Variants in PDGFD observed in about 807,000 individuals in gnomAD.
PDGFD encodes the protein platelet derived growth factor D, also known as platelet-derived growth factor D.
Under a neutral mutation model 44.7 loss-of-function variants are expected in PDGFD, and 30 were observed. The observed-to-expected ratio is 0.67, with a 90% CI of 0.50 to 0.91. PDGFD has a LOEUF of 0.91. Among genes scored for constraint, PDGFD ranks in the 40% least tolerant of loss-of-function variants. PDGFD has a pLI of 0.00. For synonymous variants in PDGFD, 173 were observed against 168.4 expected, an observed-to-expected ratio of 1.03 and a Z score of -0.21; for missense variants, 445 against 457.8, an observed-to-expected ratio of 0.97 and a Z score of 0.25.
chr11:104,112,812 G>A lies in PDGFD; in HGVS notation c.124+50992C>T, dbSNP rs193007776. 5.4e-3 allele frequency among the ~76,000 whole-genome samples: 828 copies of A among 152,150 alleles called. 4 individuals carry two copies. The highest frequency in any genetic ancestry group is 0.019 in the African/African-American group (803 of 41,518). On this transcript the variant is annotated intron_variant, in intron 1 of 6. Transcript: ENST00000393158. Reference sequence around the variant, plus strand: ...CACATGGTCTTATTTATAAGTAGGAGCTAAATGATGAGAATACATGGACAC... The same window carrying A: ...CACATGGTCTTATTTATAAGTAGGAACTAAATGATGAGAATACATGGACAC...
At chr11:104,037,027 G>A (rs1000987835) in intron 1 of PDGFD, 2 of 1,614,112 alleles carry the variant, frequency 1.2e-6, no homozygotes, top group Non-Finnish European at 1.7e-6. Context: ...CCTCAAAGAT[G>A]GCGATATCGT....
chr11:104,049,647 A>G (rs1163501756), intron 1 of PDGFD, among the ~76,000 whole-genome samples: 1 of 152,072 alleles, frequency 6.6e-6, no homozygotes, highest in Non-Finnish European at 1.5e-5. Flanking sequence ...GAGGAGGAGG[A>G]GCCTACAAAG....
intron 5 of PDGFD, among the ~76,000 whole-genome samples, chr11:103,931,006 G>A (rs943148645): frequency 3.9e-5 from 6 of 152,012 alleles, no homozygotes; most frequent in African/African-American, 1.5e-4. Context: ...CCTCATCTAG[G>A]AGCTGAATGG....
chr11:103,961,730 C>T (rs1382421524), intron 3 of PDGFD, among the ~76,000 whole-genome samples: 2 of 152,220 alleles, frequency 1.3e-5, no homozygotes, highest in East Asian at 3.9e-4. Flanking sequence ...GTTCAAGGTA[C>T]TGGAGAAAAA....
intron 6 of PDGFD, among the ~76,000 whole-genome samples, chr11:103,916,656 C>T (rs2134302694): frequency 6.6e-6 from 1 of 152,232 alleles, no homozygotes; most frequent in Non-Finnish European, 1.5e-5. Flanking sequence ...TATTGCAGCA[C>T]TGATCACAAT....
intron 1 of PDGFD, among the ~76,000 whole-genome samples, chr11:104,024,191 A>C (rs567963186): frequency 7.2e-5 from 11 of 152,086 alleles, no homozygotes; most frequent in Non-Finnish European, 1.2e-4. Context: ...TCGGGTTATA[A>C]ATTAAGATAA....
chr11:104,083,067 A>T (rs1468073313), intron 1 of PDGFD, among the ~76,000 whole-genome samples: 1 of 152,222 alleles, frequency 6.6e-6, no homozygotes, highest in Non-Finnish European at 1.5e-5. Flanking sequence ...CATATATTTT[A>T]GGTTGCTATA....
At chr11:104,146,492 A>T (rs1862164453) in intron 1 of PDGFD, among the ~76,000 whole-genome samples, 1 of 152,176 alleles carries the variant, frequency 6.6e-6, no homozygotes. Context: ...CTTCAGAGCA[A>T]ACCTCATATG....
intron 1 of PDGFD, among the ~76,000 whole-genome samples, chr11:104,163,111 G>C (rs948298722): frequency 6.6e-6 from 1 of 152,206 alleles, no homozygotes; most frequent in African/African-American, 2.4e-5. Context: ...ATAATTGGAA[G>C]CCGCTTCTGC....
chr11:103,942,310 T>A (rs1005359659), intron 5 of PDGFD, among the ~76,000 whole-genome samples: 1 of 152,130 alleles, frequency 6.6e-6, no homozygotes, highest in South Asian at 2.1e-4. Context: ...GGAAAGGACA[T>A]AACAGACTAG....
At chr11:104,019,220 T>C (rs1859912683) in intron 1 of PDGFD, among the ~76,000 whole-genome samples, 1 of 152,242 alleles carries the variant, frequency 6.6e-6, no homozygotes, top group Admixed American at 6.5e-5. Context: ...TGTTCAATAC[T>C]GTATGTCCAG....
Position 104,141,721 on chromosome 11 carries a change from A to T in PDGFD, c.124+22083T>A, listed in dbSNP as rs552425144. Among the ~76,000 whole-genome samples, 5 of 152,310 alleles carry T rather than the reference A, an allele frequency of 3.3e-5. No homozygotes were observed. In the South Asian group the frequency reaches 1.0e-3, roughly 32 times the overall value. ...AAGCTAGGGAGCATTTAACACACAC[A>T]AAAGAGGAGAAGGCAATGTGACCAT... On this transcript the variant is annotated intron_variant, in intron 1 of 6. Transcript: ENST00000393158.
intron 1 of PDGFD, among the ~76,000 whole-genome samples, chr11:104,076,339 T>C (rs1860957852): frequency 6.6e-6 from 1 of 152,146 alleles, no homozygotes; most frequent in Admixed American, 6.6e-5. Flanking sequence ...CCAGGGTTGT[T>C]TATTATTAGT....
chr11:103,938,055 T>G (rs1858520303), intron 5 of PDGFD, among the ~76,000 whole-genome samples: 1 of 151,614 alleles, frequency 6.6e-6, no homozygotes, highest in African/African-American at 2.4e-5. Flanking sequence ...TTATAATCCT[T>G]TGGGTATATA....
chr11:104,041,540 G>A (rs1179552323), intron 1 of PDGFD, among the ~76,000 whole-genome samples: 1 of 151,746 alleles, frequency 6.6e-6, no homozygotes, highest in East Asian at 1.9e-4. Flanking sequence ...TACTAAAAAT[G>A]AGGATAAAGT....
At chr11:104,152,000 CAT>C (rs1275631919) in intron 1 of PDGFD, among the ~76,000 whole-genome samples, 1 of 151,948 alleles carries the variant, frequency 6.6e-6, no homozygotes, top group Non-Finnish European at 1.5e-5. Context: ...TGTTTATTCA[CAT>C]ATGTGTTTTC....
At chr11:103,973,604 A>G (rs141339172) in intron 3 of PDGFD, among the ~76,000 whole-genome samples, 91 of 152,252 alleles carry the variant, frequency 6.0e-4, no homozygotes, top group African/African-American at 2.1e-3. Context: ...TTCATTCTTT[A>G]TTGAGGTTTA....
chr11:104,139,136 T>C (rs953481463), intron 1 of PDGFD, among the ~76,000 whole-genome samples: 1 of 149,200 alleles, frequency 6.7e-6, no homozygotes, highest in Non-Finnish European at 1.5e-5. Context: ...ATCTTCCCAT[T>C]TGATAATTCA....
chr11:104,106,233 T>G (rs1382608520), intron 1 of PDGFD, among the ~76,000 whole-genome samples: 2 of 152,194 alleles, frequency 1.3e-5, no homozygotes, highest in Admixed American at 6.5e-5. Context: ...ATTCCAATTT[T>G]CAGCACTCTG....
Sources: allele counts gnomAD v4.1 joint callset (sites outside exome capture counted in the v4.1 genomes callset), GRCh38; gene constraint gnomAD v4.1.1; transcripts MANE v1.5; gene names NCBI Gene and HGNC (gene_info 2026-07-23, HGNC 2026-07-21).